The following ABCA2 variants were observed in gnomAD, a reference collection of about 807,000 sequenced individuals.
The protein encoded by ABCA2 is ATP-binding cassette sub-family A member 2.
In ABCA2, 84 loss-of-function variants were observed where a neutral mutation model predicts 262.8. That is an observed-to-expected ratio of 0.32 (90% CI 0.27 to 0.38). The LOEUF (loss-of-function observed/expected upper bound fraction) is 0.38, where lower values mean the gene tolerates loss of function less well. ABCA2 is among the 10% of genes least tolerant of loss of function. The pLI, the probability that ABCA2 is intolerant of heterozygous loss-of-function variation, is 1.00. For synonymous variants in ABCA2, 1,696 were observed against 1,502.9 expected, an observed-to-expected ratio of 1.13 and a Z score of -2.97; for missense variants, 2,662 against 3,405.9, an observed-to-expected ratio of 0.78 and a Z score of 5.44.
At position 137,028,030 on chromosome 9, in the gene ABCA2, T is replaced by C; in HGVS notation, c.66+45A>G. The C allele has an allele frequency of 1.1e-6, 1 of 947,662 alleles. No individual in the cohort carries two copies. The highest frequency in any genetic ancestry group is 1.3e-6 in the Non-Finnish European group (1 of 797,706). The allele number at this position is 947,662 out of a possible 1,614,324, so 58.7% of individuals were successfully genotyped here. On this transcript the variant is annotated intron_variant, in intron 1 of 48. Transcript: ENST00000341511. This position sits in a 1 kb window ranked among gnomAD's most constrained non-coding sequence, Gnocchi z 6.9. ...GCGGGGAGCGCGCCTCTGGCCGCGG[T>C]GCGCGCGGCCTCGGGCTGAGGGCGG...
In ABCA2 at chr9:137,028,144, G is replaced by T. The variant is rs1176014531; in HGVS notation, c.-4C>A. On this transcript the variant is annotated 5_prime_UTR_variant, in exon 1 of 49. Coordinates refer to ENST00000341511, the MANE Select transcript of ABCA2 (RefSeq NM_001606.5). This position sits in a 1 kb window ranked among gnomAD's most constrained non-coding sequence, Gnocchi z 6.9. ...GCAGCTGGTGCAGGAAGCCCATGGC[G>T]GGGCCACGCTCCGCCGCCTCAGCGC... 1.0e-6 allele frequency: 1 copy of T among 983,198 alleles called. No homozygotes were observed. 60.9% of individuals were successfully genotyped at this position (983,198 alleles called of 1,614,324 possible).
intron 21 of ABCA2, 32 bp downstream of exon 21, chr9:137,016,259 G>A: frequency 6.2e-7 from 1 of 1,611,778 alleles, no homozygotes; most frequent in East Asian, 2.2e-5. Flanking sequence ...CTGGTCAGCA[G>A]ATGCCCACCG....
Position 137,012,562 on chromosome 9 carries a change from G to C in ABCA2, c.5110C>G (p.Leu1704Val). The C allele has an allele frequency of 2.5e-6, 4 of 1,611,984 alleles. No individual in the cohort carries two copies. The highest frequency in any genetic ancestry group is 3.4e-6 in the Non-Finnish European group (4 of 1,179,924). ...CCAAATGAGGCTGGGATGGACTTCA[G>C]GACGTTTCCAAAGGTGATGGCCCCA... is the stretch of plus-strand genomic sequence containing the variant. ...RYGAITFGNV[L>V]KSIPASFGTR... The change falls in exon 32 of 49, where the codon CTG becomes GTG. Residue 1704 changes from leucine (L) to valine (V), a missense_variant. Coordinates refer to ENST00000341511, the MANE Select transcript of ABCA2 (RefSeq NM_001606.5).
chr9:137,010,120 G>T lies in ABCA2; in HGVS notation c.6358C>A (p.Leu2120Met). 1.3e-6 allele frequency: 2 copies of T among 1,592,892 alleles called. No individual in the cohort carries two copies. Residue 2120 changes from leucine to methionine, a missense_variant, in exon 42 of 49, where the codon CTG becomes ATG. By Grantham distance (15) the Leu-to-Met change is conservative (BLOSUM62 2). This residue lies in a region of ABCA2 where 602 missense variants were observed against 897.4 expected (regional missense o/e 0.67). Transcript: ENST00000341511. The part of the protein sequence containing the change: ...GEAFVNGHSV[L>M]KELLQVQQSL... Reference sequence around the variant, plus strand: ...TGCTGCACCTGGAGCAGCTCCTTCAGCACGCTGGGGACACGGCAGCTGTCA... The same window carrying T: ...TGCTGCACCTGGAGCAGCTCCTTCATCACGCTGGGGACACGGCAGCTGTCA...
Position 137,016,658 on chromosome 9 carries a change from C to T in ABCA2, c.2839G>A (p.Glu947Lys), listed in dbSNP as rs1287857515. ...WLGSGRTEAW[E>K]WSWPWARTPR... ...GTGCGTGCCCACGGCCAGCTCCACT[C>T]CCAGGCTTCTGTCCGCCCACTGCCC... Residue 947 changes from glutamate (E) to lysine (K), a missense_variant, in exon 20 of 49, where the codon GAG becomes AAG. Physicochemically the swap from Glu to Lys is moderately conservative, Grantham distance 56. Around this residue, in one of 12 missense-constraint regions of ABCA2, gnomAD observed 133 missense variants for 150.8 expected, o/e 0.88. Coordinates refer to ENST00000341511, the MANE Select transcript of ABCA2 (RefSeq NM_001606.5). 6.2e-7 allele frequency: 1 copy of T among 1,605,322 alleles called. No individual in the cohort carries two copies. The highest frequency in any genetic ancestry group is 8.5e-7 in the Non-Finnish European group (1 of 1,176,270).
At chr9:137,024,308 G>A (rs1384961191) in intron 1 of ABCA2, 72 bp from the exon 2 acceptor site, 1 of 1,375,416 alleles carries the variant, frequency 7.3e-7, no homozygotes, top group African/African-American at 1.4e-5. Context: ...CCTCCCATAG[G>A]GCTGGCCCAG....
Position 137,022,772 on chromosome 9 carries a change from G to T in ABCA2, c.369C>A (p.Ala123=), listed in dbSNP as rs772471445. 11 of 1,601,626 alleles carry T rather than the reference G, an allele frequency of 6.9e-6. No individual in the cohort carries two copies. Among genetic ancestry groups the T allele is most frequent in the Non-Finnish European group, 9.4e-6 (11 of 1,175,980 alleles). The part of the protein sequence containing the change: ...ARPSLGSELE[A]LRQHLEALSA... ...TGAGGGCCTCCAGATGCTGGCGTAGGGCCTCGAGCTCTGAGCCCAGGCTGG... is the reference window on the plus strand; with the variant it reads ...TGAGGGCCTCCAGATGCTGGCGTAGTGCCTCGAGCTCTGAGCCCAGGCTGG... Residue 123 remains alanine, a synonymous_variant, in exon 5 of 49, where the codon GCC becomes GCA. Coordinates refer to ENST00000341511, the MANE Select transcript of ABCA2 (RefSeq NM_001606.5).
In ABCA2 at chr9:137,021,904, A is replaced by G; in HGVS notation, c.665T>C (p.Leu222Pro). 6.3e-7 allele frequency: 1 copy of G among 1,598,844 alleles called. No individual in the cohort carries two copies. Among genetic ancestry groups the G allele is most frequent in the Admixed American group, 1.7e-5 (1 of 57,446 alleles). Residue 222 changes from leucine (L) to proline (P), a missense_variant, in exon 7 of 49, where the codon CTG (leucine) becomes CCG (proline). By Grantham distance (98) the Leu-to-Pro change is moderately conservative. Around this residue, in one of 12 missense-constraint regions of ABCA2, gnomAD observed 403 missense variants for 375.9 expected, o/e 1.07. Transcript: ENST00000341511. The surrounding 1 kb of genome is among the most constrained non-coding windows in gnomAD (Gnocchi z 6.0). ...EPWSRLGGNPLFRMEELLLAP... is the reference protein window; with the variant it reads ...EPWSRLGGNPPFRMEELLLAP... Reference sequence around the variant, plus strand: ...GGATGCCCTCACCTCCATCCGGAACAGGGGATTGCCCCCTAGGCGGCTCCA... The same window carrying G: ...GGATGCCCTCACCTCCATCCGGAACGGGGGATTGCCCCCTAGGCGGCTCCA...
At position 137,019,237 on chromosome 9, in the gene ABCA2, C is replaced by G; in HGVS notation, c.1495G>C (p.Glu499Gln). ...YAQVWLNISAEIRSFLEQGRL... is the reference protein window; with the variant it reads ...YAQVWLNISAQIRSFLEQGRL... The stretch of plus-strand genomic sequence containing the variant: ...CCCTGCTCCAGGAAGCTGCGGATCT[C>G]CGCCGAGATGTTGAGCCAGACCTGG... The change falls in exon 11 of 49, where the codon GAG (glutamate) becomes CAG (glutamine). Residue 499 changes from glutamate to glutamine, a missense_variant. Around this residue, in one of 12 missense-constraint regions of ABCA2, gnomAD observed 92 missense variants for 146.7 expected, o/e 0.63. Transcript: ENST00000341511. The surrounding 1 kb of genome is among the most constrained non-coding windows in gnomAD (Gnocchi z 4.4). 6.2e-7 allele frequency: 1 copy of G among 1,612,678 alleles called. No individual in the cohort carries two copies. The highest frequency in any genetic ancestry group is 8.5e-7 in the Non-Finnish European group (1 of 1,179,894).
rs772495147 is a variant in ABCA2, at chr9:137,011,783, G to T, written c.5536-34C>A. 5.4e-5 allele frequency: 84 copies of T among 1,550,230 alleles called. No individual in the cohort carries two copies. Among genetic ancestry groups the T allele is most frequent in the Non-Finnish European group, 7.1e-5 (81 of 1,147,272 alleles). On this transcript the variant is annotated intron_variant, in intron 35 of 48. Coordinates refer to ENST00000341511, the MANE Select transcript of ABCA2 (RefSeq NM_001606.5). This position sits in a 1 kb window ranked among gnomAD's most constrained non-coding sequence, Gnocchi z 8.8. Reference sequence around the variant, plus strand: ...GTGGGGGCGGCTGGTGAGAGACCCGGGGCAGGGCGGGGATGGGGGATGAGA... The same window carrying T: ...GTGGGGGCGGCTGGTGAGAGACCCGTGGCAGGGCGGGGATGGGGGATGAGA...
chr9:137,020,841 G>A lies in ABCA2; in HGVS notation c.1118C>T (p.Ala373Val), dbSNP rs1831424997. ...GAGGAANGTG[A>V]GAVMGPNATA... ...GGCGTTGGGGCCCATGACTGCCCCT[G>A]CCCCAGTGCCATTGGCCGCCCCACC... is the stretch of plus-strand genomic sequence containing the variant. The change falls in exon 9 of 49, where the codon GCA becomes GTA. Residue 373 changes from alanine (A) to valine (V), a missense_variant. By Grantham distance (64) the Ala-to-Val change is moderately conservative (BLOSUM62 0). Coordinates refer to ENST00000341511, the MANE Select transcript of ABCA2 (RefSeq NM_001606.5). 5 of 1,548,658 alleles carry A rather than the reference G, an allele frequency of 3.2e-6. No homozygotes were observed. The highest frequency in any genetic ancestry group is 4.4e-6 in the Non-Finnish European group (5 of 1,145,492).
At position 137,012,685 on chromosome 9, in the gene ABCA2, C is replaced by T. The variant is rs753162299; in HGVS notation, c.5081+27G>A. 8 of 1,611,312 alleles carry T rather than the reference C, an allele frequency of 5.0e-6. No homozygotes were observed. In the South Asian group the frequency reaches 7.7e-5, roughly 15 times the overall value. ...TAGGTGGCTGGTGGCCGGCCACCCT[C>T]ACCCACAGCCTCCCCACCCAGCTCA... On this transcript the variant is annotated intron_variant, in intron 31 of 48. Transcript: ENST00000341511.
chr9:137,022,726 C>G lies in ABCA2; in HGVS notation c.415G>C (p.Gly139Arg). The G allele has an allele frequency of 1.2e-6, 2 of 1,606,142 alleles. No homozygotes were observed. The highest frequency in any genetic ancestry group is 1.7e-6 in the Non-Finnish European group (2 of 1,178,372). ...CCTGTGGATCTGTCCAGGTGGCTCC[C>G]CGAGGTGCCCGGGCCCGCACTGAGG... ...EALSAGPGTS[G>R]SHLDRSTVSS... Residue 139 changes from glycine to arginine, a missense_variant, in exon 5 of 49, where the codon GGG becomes CGG. By Grantham distance (125) the Gly-to-Arg change is moderately radical (BLOSUM62 -2). Coordinates refer to ENST00000341511, the MANE Select transcript of ABCA2 (RefSeq NM_001606.5).
chr9:137,028,348 C>T (rs1453790177), upstream of ABCA2: 1 of 861,168 alleles, frequency 1.2e-6, no homozygotes, highest in Non-Finnish European at 1.4e-6. This position sits in a 1 kb window ranked among gnomAD's most constrained non-coding sequence, Gnocchi z 6.9. Context: ...AAAGGCGCCG[C>T]GCTCCGTCCG....
In ABCA2 at chr9:137,011,152, C is replaced by T; in HGVS notation, c.5923+34G>A. On this transcript the variant is annotated intron_variant, in intron 38 of 48. Transcript: ENST00000341511. The surrounding 1 kb of genome is among the most constrained non-coding windows in gnomAD (Gnocchi z 8.8). ...CCTGTGCTCTGGGCCTTGCGGGGCC[C>T]CCACCGCCTTCCCCGCCCCACGGGC... 1 of 1,612,242 alleles carries T rather than the reference C, an allele frequency of 6.2e-7. No individual in the cohort carries two copies.
rs1403167717 is a variant in ABCA2 at position 137,017,075 on chromosome 9, A to C, written c.2603T>G (p.Leu868Arg). ...AFGLGSKYFALYEVAGVGIQW... is the reference protein window; with the variant it reads ...AFGLGSKYFARYEVAGVGIQW... Reference sequence around the variant, plus strand: ...GATGCCCACGCCGGCCACCTCATACAGCGCGAAGTACTTAGAGCCCAGACC... The same window carrying C: ...GATGCCCACGCCGGCCACCTCATACCGCGCGAAGTACTTAGAGCCCAGACC... Residue 868 changes from leucine (L) to arginine (R), a missense_variant, in exon 19 of 49, where the codon CTG becomes CGG. This residue lies in a region of ABCA2 where 188 missense variants were observed against 343.4 expected (regional missense o/e 0.55). Transcript: ENST00000341511. The C allele has an allele frequency of 6.2e-7, 1 of 1,612,630 alleles. No homozygotes were observed. Among genetic ancestry groups the C allele is most frequent in the Non-Finnish European group, 8.5e-7 (1 of 1,179,964 alleles).
rs754048859 is a variant in ABCA2, at chr9:137,010,390, A to T, written c.6175-19T>A. The stretch of plus-strand genomic sequence containing the variant: ...TGTAGACCTGGCCAGGAGCCTGCCC[A>T]CTCAGCGGGGCATCCTGCCCCCACC... On this transcript the variant is annotated intron_variant, in intron 40 of 48. Coordinates refer to ENST00000341511, the MANE Select transcript of ABCA2 (RefSeq NM_001606.5). 4.5e-6 allele frequency: 7 copies of T among 1,555,320 alleles called. No homozygotes were observed. Among genetic ancestry groups the T allele is most frequent in the Non-Finnish European group, 5.2e-6 (6 of 1,150,208 alleles).
chr9:137,015,974 CT>C lies in ABCA2; in HGVS notation c.3304del (p.Arg1102GlufsTer6). 8.3e-7 allele frequency: 1 copy of C among 1,210,744 alleles called. No individual in the cohort carries two copies. The highest frequency in any genetic ancestry group is 1.2e-6 in the Non-Finnish European group (1 of 868,228). 75.0% of individuals were successfully genotyped at this position (1,210,744 alleles called of 1,614,324 possible). A position where few individuals can be genotyped will look rare whatever the true frequency, so the allele number is the denominator to read the frequency against. Reference sequence around the variant, plus strand: ...CCAGCCCACCCACTTGTCCATCTCTCTGCGGATCTCCTCCTGAGCCATGCTC... The same window carrying C: ...CCAGCCCACCCACTTGTCCATCTCTCGCGGATCTCCTCCTGAGCCATGCTC... ...LKSMAQEEIR[R>X]EMDKMIEDLE... On this transcript the variant is annotated frameshift_variant, in exon 22 of 49. Transcript: ENST00000341511. LOFTEE classifies it high-confidence loss of function.
In ABCA2 at chr9:137,011,016, G is replaced by A; in HGVS notation, c.6013C>T (p.Leu2005Phe). 6.2e-7 allele frequency: 1 copy of A among 1,609,322 alleles called. No homozygotes were observed. The highest frequency in any genetic ancestry group is 8.5e-7 in the Non-Finnish European group (1 of 1,178,886). Residue 2005 changes from leucine (L) to phenylalanine (F), a missense_variant, in exon 39 of 49, where the codon CTC becomes TTC. This residue lies in a region of ABCA2 where 602 missense variants were observed against 897.4 expected (regional missense o/e 0.67). Transcript: ENST00000341511. This position sits in a 1 kb window ranked among gnomAD's most constrained non-coding sequence, Gnocchi z 8.8. ...TTGTACTGGCACATGATGGTCAGGA[G>A]GAAGCCCACGACGCCCTCAACCGCC... ...AMAVEGVVGF[L>F]LTIMCQYNFL...
Sources: gnomAD v4.1 joint callset for allele counts on GRCh38, gnomAD v4.1.1 for gene constraint, gnomAD v4.1.1 regional missense constraint, Gnocchi (gnomAD v3.1) non-coding constraint, MANE v1.5 for transcripts, NCBI Gene and HGNC (gene_info 2026-07-23, HGNC 2026-07-21) for gene names.